CTNNA3: variants seen among roughly 807,000 people sequenced by gnomAD.
CTNNA3 encodes the protein catenin alpha-3.
Under a neutral mutation model 95.7 loss-of-function variants are expected in CTNNA3, and 76 were observed. The ratio of observed to expected loss-of-function variants is 0.79; its 90% CI spans 0.66 to 0.96. The LOEUF (loss-of-function observed/expected upper bound fraction) is 0.96, where lower values mean the gene tolerates loss of function less well. Among genes scored for constraint, CTNNA3 ranks in the 40% least tolerant of loss-of-function variants. CTNNA3 has a pLI of 0.00. For synonymous variants in CTNNA3, 431 were observed against 374.4 expected (o/e 1.15, Z -1.74); for missense variants, 1,191 against 1,089.8 (o/e 1.09, Z -1.31).
At chr10:67,001,628 A>G (rs1851698417) in intron 7 of CTNNA3, among the ~76,000 whole-genome samples, 1 of 152,162 alleles carries the variant, frequency 6.6e-6, no homozygotes, top group South Asian at 2.1e-4. Context: ...AATACTCAAA[A>G]AGAATAATTT....
intron 1 of CTNNA3, among the ~76,000 whole-genome samples, chr10:67,744,638 C>A (rs1260284959): frequency 6.6e-6 from 1 of 150,822 alleles, no homozygotes; most frequent in Non-Finnish European, 1.5e-5. Context: ...GCAACAAAAG[C>A]CAAAATTGAC....
At chr10:67,477,249 G>A (rs1848050334) in intron 5 of CTNNA3, among the ~76,000 whole-genome samples, 1 of 151,950 alleles carries the variant, frequency 6.6e-6, no homozygotes, top group Admixed American at 6.6e-5. Context: ...CCTCTCGGTG[G>A]ATGCTCACTA....
At chr10:67,273,406 C>T (rs1839063270) in intron 5 of CTNNA3, among the ~76,000 whole-genome samples, 1 of 152,052 alleles carries the variant, frequency 6.6e-6, no homozygotes, top group African/African-American at 2.4e-5. Context: ...CAAATTAAAC[C>T]ACCATTAGAT....
At chr10:65,985,242 T>G (rs915937810) in intron 16 of CTNNA3, among the ~76,000 whole-genome samples, 2 of 150,964 alleles carry the variant, frequency 1.3e-5, no homozygotes, top group African/African-American at 4.8e-5. Flanking sequence ...AAGCAAGAAA[T>G]AATATGAAAC....
chr10:66,626,424 G>A (rs2132330830), intron 9 of CTNNA3, among the ~76,000 whole-genome samples: 1 of 152,220 alleles, frequency 6.6e-6, no homozygotes, highest in East Asian at 1.9e-4. Context: ...CAATGGGGGA[G>A]AAAGGTCACT....
rs1318842301 is a variant in CTNNA3 at position 67,089,645 on chromosome 10, T to C, written c.1047+90672A>G. 2.6e-5 allele frequency among the ~76,000 whole-genome samples: 4 copies of C among 152,066 alleles called. No homozygotes were observed. The East Asian group carries it at 5.8e-4, about 22-fold the overall frequency. On this transcript the variant is annotated intron_variant, in intron 7 of 17. Transcript: ENST00000433211. ...AAAGAAAAAAGATGGCTACCTCATT[T>C]GGCACACATAAAGGATGAATGATAT...
intron 7 of CTNNA3, among the ~76,000 whole-genome samples, chr10:67,032,568 A>G (rs1279359041): frequency 6.6e-6 from 1 of 152,184 alleles, no homozygotes; most frequent in Non-Finnish European, 1.5e-5. Context: ...TTTGCCTCAC[A>G]TACTGCCAGG....
chr10:67,165,599 T>C (rs1861734521), intron 7 of CTNNA3, among the ~76,000 whole-genome samples: 1 of 152,216 alleles, frequency 6.6e-6, no homozygotes, highest in African/African-American at 2.4e-5. Flanking sequence ...ACAAAGAACC[T>C]CTCTGTGCTG....
intron 13 of CTNNA3, among the ~76,000 whole-genome samples, chr10:66,157,405 ATAGATAGGTAGG>A (rs2084571142): frequency 6.9e-6 from 1 of 144,114 alleles, no homozygotes; most frequent in South Asian, 2.4e-4. Flanking sequence ...GTATTCTATC[ATAGATAGGTAGG>A]TAGGTAGGTA....
At chr10:65,954,461 C>T (rs975140739) in intron 17 of CTNNA3, among the ~76,000 whole-genome samples, 8 of 152,128 alleles carry the variant, frequency 5.3e-5, no homozygotes, top group African/African-American at 1.2e-4. Context: ...AGTCCTTGCC[C>T]GTGCCTATGT....
chr10:66,582,869 T>A (rs1414029371), intron 10 of CTNNA3, among the ~76,000 whole-genome samples: 1 of 151,848 alleles, frequency 6.6e-6, no homozygotes, highest in East Asian at 1.9e-4. Flanking sequence ...TTTTATTGAA[T>A]GCTTTTTCTG....
chr10:67,522,036 G>GA, intron 4 of CTNNA3, 75 bp from the exon 5 acceptor site: 1 of 1,467,288 alleles, frequency 6.8e-7, no homozygotes, highest in South Asian at 1.3e-5. Flanking sequence ...CTAACACGAA[G>GA]AGTCGATAAT....
At chr10:67,198,246 G>T (rs1235052834) in intron 6 of CTNNA3, among the ~76,000 whole-genome samples, 1 of 152,122 alleles carries the variant, frequency 6.6e-6, no homozygotes, top group South Asian at 2.1e-4. Flanking sequence ...TATCTAGGTG[G>T]TTGATGGTTG....
intron 11 of CTNNA3, among the ~76,000 whole-genome samples, chr10:66,493,455 T>TA: frequency 6.6e-6 from 1 of 152,250 alleles, no homozygotes; most frequent in South Asian, 2.1e-4. Flanking sequence ...AAGAATATGC[T>TA]AAAAAGGTTA....
At position 65,960,474 on chromosome 10, in the gene CTNNA3, G is replaced by A. The variant is rs538785444; in HGVS notation, c.2400+6138C>T. On this transcript the variant is annotated intron_variant, in intron 17 of 17. Coordinates refer to ENST00000433211, the MANE Select transcript of CTNNA3 (RefSeq NM_013266.4). ...CAGGAGGCGGAGCTTGCAGTGAGCC[G>A]AGATCACGCCACTGCACTCCAGCCT... Among the ~76,000 whole-genome samples the A allele has an allele frequency of 3.3e-5, 5 of 152,050 alleles. No individual in the cohort carries two copies. The South Asian group carries it at 6.2e-4, about 19-fold the overall frequency.
At chr10:66,372,889 A>T (rs1465874597) in intron 12 of CTNNA3, among the ~76,000 whole-genome samples, 2 of 152,148 alleles carry the variant, frequency 1.3e-5, no homozygotes, top group East Asian at 3.9e-4. Flanking sequence ...CTCCCTCAAC[A>T]AATGAGGATT....
chr10:67,400,174 T>C (rs1844866969), intron 5 of CTNNA3, among the ~76,000 whole-genome samples: 1 of 151,112 alleles, frequency 6.6e-6, no homozygotes, highest in Admixed American at 6.6e-5. Context: ...ACAGAAACTC[T>C]TGAATACATA....
chr10:66,509,124 A>G (rs1035850039), intron 11 of CTNNA3, among the ~76,000 whole-genome samples: 3 of 152,016 alleles, frequency 2.0e-5, no homozygotes, highest in Admixed American at 6.6e-5. Context: ...TTTGATTTGC[A>G]TTTCCCTGAT....
chr10:66,382,210 C>A (rs2092845773), intron 11 of CTNNA3, among the ~76,000 whole-genome samples: 1 of 152,166 alleles, frequency 6.6e-6, no homozygotes, highest in Admixed American at 6.5e-5. Context: ...CCTGGAAAAA[C>A]AGGGCACTCC....
Sources: gnomAD v4.1 joint callset for allele counts (sites outside exome capture counted in the v4.1 genomes callset) on GRCh38, gnomAD v4.1.1 for gene constraint, MANE v1.5 for transcripts, NCBI Gene and HGNC (gene_info 2026-07-23, HGNC 2026-07-21) for gene names.